SMTN: variants seen among roughly 807,000 people sequenced by gnomAD.
The protein encoded by SMTN is smoothelin.
Under a neutral mutation model 102.0 loss-of-function variants are expected in SMTN, and 58 were observed. That is an observed-to-expected ratio of 0.57 (90% CI 0.46 to 0.71). The LOEUF (loss-of-function observed/expected upper bound fraction) is 0.71, where lower values mean the gene tolerates loss of function less well. SMTN is among the 30% of genes least tolerant of loss of function. The pLI, the probability that SMTN is intolerant of heterozygous loss-of-function variation, is 0.00. For missense variants in SMTN, 1,185 were observed against 1,241.7 expected (o/e 0.95, Z 0.69); for synonymous variants, 478 against 497.9 (o/e 0.96, Z 0.53).
chr22:31,064,967 AG>A (rs2041807696), intron 1 of SMTN: 1 of 152,076 alleles, frequency 6.6e-6, no homozygotes, highest in South Asian at 2.1e-4. Flanking sequence ...ATGTCTTCTT[AG>A]TCTTCTCTAA....
chr22:31,067,772 A>T (rs1446620125), intron 1 of SMTN: 1 of 151,710 alleles, frequency 6.6e-6, no homozygotes, highest in South Asian at 2.1e-4. Context: ...GTTAGCCGGG[A>T]TGGTCTCGAT....
Position 31,083,198 on chromosome 22 carries a change from A to G in SMTN, c.-61A>G, listed in dbSNP as rs1434318157. On this transcript the variant is annotated 5_prime_UTR_variant, in exon 2 of 21. Transcript: ENST00000333137. The stretch of plus-strand genomic sequence containing the variant: ...CTGCAGAATTCTCTGAGCTGGTGAC[A>G]GGTGCCACAGGCACTGGGGATCTCA... The G allele has an allele frequency of 6.3e-7, 1 of 1,580,872 alleles. No individual in the cohort carries two copies. The highest frequency in any genetic ancestry group is 2.3e-5 in the East Asian group (1 of 43,900).
chr22:31,085,392 C>G, intron 2 of SMTN: 1 of 1,062,710 alleles, frequency 9.4e-7, no homozygotes, highest in Non-Finnish European at 1.3e-6. Flanking sequence ...CCGGCGGGAC[C>G]CCCATGGGCA....
intron 2 of SMTN, chr22:31,083,535 A>T: frequency 1.9e-6 from 1 of 515,670 alleles, no homozygotes; most frequent in Non-Finnish European, 3.4e-6. Flanking sequence ...AACCCTCCAC[A>T]GCCACCACCT....
At chr22:31,086,053 C>T (rs1018567684) in intron 2 of SMTN, among the ~76,000 whole-genome samples, 7 of 152,380 alleles carry the variant, frequency 4.6e-5, no homozygotes, top group Non-Finnish European at 1.0e-4. Context: ...TCTGTCCCCT[C>T]CAGCCCCCAG....
At chr22:31,070,091 T>C (rs1257202057) in intron 1 of SMTN, among the ~76,000 whole-genome samples, 4 of 152,096 alleles carry the variant, frequency 2.6e-5, no homozygotes, top group Non-Finnish European at 5.9e-5. Context: ...TGTGGGGTAG[T>C]GAGGACAGCA....
chr22:31,075,509 C>T (rs1037812564), intron 1 of SMTN, among the ~76,000 whole-genome samples: 39 of 152,130 alleles, frequency 2.6e-4, no homozygotes, highest in African/African-American at 6.0e-4. Flanking sequence ...GTCAAAACCC[C>T]GTCTCTACTG....
At position 31,088,005 on chromosome 22, in the gene SMTN, G is replaced by T; in HGVS notation, c.92G>T (p.Arg31Leu). ...TADLAERRRI[R>L]SAIRELQRQE... ...GATCTGGCAGAGCGGCGGCGCATCCGCTCAGCCATCCGGGAACTGCAGCGG... is the reference window on the plus strand; with the variant it reads ...GATCTGGCAGAGCGGCGGCGCATCCTCTCAGCCATCCGGGAACTGCAGCGG... The change falls in exon 3 of 21, where the codon CGC (arginine) becomes CTC (leucine). Residue 31 changes from arginine to leucine, a missense_variant. Transcript: ENST00000333137. 6.2e-7 allele frequency: 1 copy of T among 1,609,662 alleles called. No homozygotes were observed. The highest frequency in any genetic ancestry group is 8.5e-7 in the Non-Finnish European group (1 of 1,177,044).
intron 2 of SMTN, among the ~76,000 whole-genome samples, chr22:31,085,918 G>T (rs2042664917): frequency 6.6e-6 from 1 of 152,214 alleles, no homozygotes; most frequent in African/African-American, 2.4e-5. Flanking sequence ...CCTACATCAG[G>T]CTTTTGTCAG....
At chr22:31,082,162 C>A in intron 1 of SMTN, 1 of 187,184 alleles carries the variant, frequency 5.3e-6, no homozygotes. Context: ...AGGTGGGGGG[C>A]AGGCCTGGGG....
At chr22:31,098,637 C>T in intron 16 of SMTN, 30 bp from the exon 17 acceptor site, 1 of 1,608,746 alleles carries the variant, frequency 6.2e-7, no homozygotes, top group Non-Finnish European at 8.5e-7. Context: ...CCTGCTCTCC[C>T]TGCCTAACAT....
rs749708476 is a variant in SMTN, at chr22:31,100,064, C to T, written c.2603+168C>T. On this transcript the variant is annotated intron_variant, in intron 19 of 20. Coordinates refer to ENST00000333137, the MANE Select transcript of SMTN (RefSeq NM_134269.3). ...CCGTCCTTCTCCATCCCCACCCCCCCGCTGCTGAGCGTGCCAGGTGCCCGC... is the reference window on the plus strand; with the variant it reads ...CCGTCCTTCTCCATCCCCACCCCCCTGCTGCTGAGCGTGCCAGGTGCCCGC... 1.8e-3 allele frequency among the ~76,000 whole-genome samples: 277 copies of T among 152,078 alleles called. 2 individuals are homozygous for T. The highest frequency in any genetic ancestry group is 3.5e-3 in the Non-Finnish European group (240 of 67,948).
intron 2 of SMTN, among the ~76,000 whole-genome samples, chr22:31,083,721 T>G (rs1019142296): frequency 2.6e-5 from 4 of 152,222 alleles, no homozygotes; most frequent in Non-Finnish European, 5.9e-5. Context: ...GGCTGGGTAC[T>G]GGGTATACCA....
chr22:31,099,070 G>T lies in SMTN; in HGVS notation c.2342G>T (p.Gly781Val), dbSNP rs2043863074. ...LEKEGAAGSP[G>V]GPRAAVQRST... ...TGACACCGCCCCTACAGCAGCCCTG[G>T]CGGACCCCGCGCAGCCGTGCAGCGA... The change falls in exon 18 of 21, where the codon GGC (glycine) becomes GTC (valine). Residue 781 changes from glycine to valine, a missense_variant. Around this residue, in one of 2 missense-constraint regions of SMTN, gnomAD observed 1,096 missense variants for 1,112.7 expected, o/e 0.98. Transcript: ENST00000333137. 6.2e-7 allele frequency: 1 copy of T among 1,611,602 alleles called. No homozygotes were observed. Among genetic ancestry groups the T allele is most frequent in the Non-Finnish European group, 8.5e-7 (1 of 1,179,898 alleles).
In SMTN at chr22:31,095,285, C is replaced by G. The variant is rs2043484659; in HGVS notation, c.1633-18C>G. On this transcript the variant is annotated intron_variant, in intron 11 of 20. Coordinates refer to ENST00000333137, the MANE Select transcript of SMTN (RefSeq NM_134269.3). This position sits in a 1 kb window ranked among gnomAD's most constrained non-coding sequence, Gnocchi z 4.1. ...CCATACCCCTGCTTAAAGTCCATGC[C>G]CTCTCCCCACCCTGCAGATGGAAGC... The G allele has an allele frequency of 1.2e-6, 2 of 1,612,332 alleles. No homozygotes were observed. Among genetic ancestry groups the G allele is most frequent in the African/African-American group, 1.3e-5 (1 of 74,854 alleles).
In SMTN at chr22:31,097,078, C is replaced by A; in HGVS notation, c.2089+18C>A. 1 of 1,612,266 alleles carries A rather than the reference C, an allele frequency of 6.2e-7. No individual in the cohort carries two copies. The highest frequency in any genetic ancestry group is 8.5e-7 in the Non-Finnish European group (1 of 1,178,550). ...CTCGGAGAGTAAGGCCACCTGGTGT[C>A]GCCCTGTGCCTGCCTGCCTGTCCGC... On this transcript the variant is annotated intron_variant, in intron 15 of 20. Transcript: ENST00000333137.
intron 13 of SMTN, chr22:31,096,140 G>T: frequency 5.9e-6 from 1 of 170,718 alleles, no homozygotes; most frequent in Non-Finnish European, 1.3e-5. Context: ...TCTGAATCTA[G>T]CTGCTTCTGC....
At chr22:31,093,996 G>T in intron 11 of SMTN, 1 of 719,960 alleles carries the variant, frequency 1.4e-6, no homozygotes, top group Non-Finnish European at 2.3e-6. Context: ...GGGGACTGGG[G>T]CACTAGTGCT....
intron 20 of SMTN, chr22:31,103,987 G>C: frequency 5.9e-6 from 2 of 337,506 alleles, no homozygotes; most frequent in Non-Finnish European, 1.1e-5. Context: ...TGAGCAGAAG[G>C]TGGTCTCCAG....
Sources: gnomAD v4.1 joint callset for allele counts (sites outside exome capture counted in the v4.1 genomes callset) on GRCh38, gnomAD v4.1.1 for gene constraint, gnomAD v4.1.1 regional missense constraint, Gnocchi (gnomAD v3.1) non-coding constraint, MANE v1.5 for transcripts, NCBI Gene and HGNC (gene_info 2026-07-23, HGNC 2026-07-21) for gene names.